NLGN1: variants seen among roughly 807,000 people sequenced by gnomAD.
NLGN1 encodes neuroligin 1.
A neutral mutation model predicts 65.5 loss-of-function variants in NLGN1; 12 were observed. The observed-to-expected ratio is 0.18, with a 90% confidence interval of 0.12 to 0.30. The LOEUF (loss-of-function observed/expected upper bound fraction) is 0.30. Ranked by LOEUF, NLGN1 falls within the 10% of genes least tolerant of loss-of-function variation. The probability of loss-of-function intolerance (pLI) is 1.00; values close to 1 mark genes in which losing one functional copy is unlikely to be tolerated. For missense variants in NLGN1, 750 were observed against 1,007.1 expected, an observed-to-expected ratio of 0.74 and a Z score of 3.46; for synonymous variants, 350 against 359.5, an observed-to-expected ratio of 0.97 and a Z score of 0.30.
intron 4 of NLGN1, among the ~76,000 whole-genome samples, chr3:174,081,242 G>A (rs1386164991): frequency 6.6e-6 from 1 of 152,090 alleles, no homozygotes; most frequent in Non-Finnish European, 1.5e-5. Context: ...TTATGACTTG[G>A]TGAAATGGGG....
At chr3:173,859,771 T>C (rs2150791278) in intron 4 of NLGN1, among the ~76,000 whole-genome samples, 1 of 152,210 alleles carries the variant, frequency 6.6e-6, no homozygotes, top group East Asian at 1.9e-4. Flanking sequence ...TTGAAATTAT[T>C]ATTCAAGATT....
intron 3 of NLGN1, among the ~76,000 whole-genome samples, chr3:173,669,946 C>T (rs1762239884): frequency 6.6e-6 from 1 of 152,090 alleles, no homozygotes; most frequent in Admixed American, 6.5e-5. Context: ...AATAAAAACA[C>T]AAAATCTTGT....
At chr3:174,168,451 G>A (rs940774710) in intron 4 of NLGN1, among the ~76,000 whole-genome samples, 1 of 151,574 alleles carries the variant, frequency 6.6e-6, no homozygotes, top group African/African-American at 2.4e-5. Flanking sequence ...CCCTCCCTAG[G>A]AGATGTGACT....
intron 2 of NLGN1, among the ~76,000 whole-genome samples, chr3:173,551,028 C>G (rs140013301): frequency 6.6e-6 from 1 of 152,130 alleles, no homozygotes; most frequent in African/African-American, 2.4e-5. Flanking sequence ...TCTGCCTTTA[C>G]TGCATTATCA....
At chr3:173,499,438 T>G (rs1179241075) in intron 2 of NLGN1, among the ~76,000 whole-genome samples, 4 of 151,882 alleles carry the variant, frequency 2.6e-5, no homozygotes, top group Non-Finnish European at 5.9e-5. Flanking sequence ...ACCAGTACCA[T>G]GCTGTTTTGG....
rs113843953 is a variant in NLGN1, at chr3:173,725,554, A to G, written c.494-82126A>G. Among the ~76,000 whole-genome samples, 104 of 152,336 alleles carry G rather than the reference A, an allele frequency of 6.8e-4. 1 individual carries two copies. The highest frequency in any genetic ancestry group is 3.4e-3 in the Middle Eastern group (1 of 294). On this transcript the variant is annotated intron_variant, in intron 3 of 6. Transcript: ENST00000457714. ...TTACTGATTTGTTTTTATCAACTTC[A>G]TAGTTAGAGGGCTCACACTACAGCA...
At chr3:174,011,827 A>G (rs1158653452) in intron 4 of NLGN1, among the ~76,000 whole-genome samples, 1 of 151,740 alleles carries the variant, frequency 6.6e-6, no homozygotes, top group African/African-American at 2.4e-5. Context: ...TACATCAGAG[A>G]ACAAAACCTA....
chr3:174,195,798 AC>A (rs1025227571), intron 4 of NLGN1, among the ~76,000 whole-genome samples: 23 of 151,926 alleles, frequency 1.5e-4, no homozygotes, highest in East Asian at 7.7e-4. Context: ...AGAAAAAAAA[AC>A]TGCCTTCTTC....
intron 4 of NLGN1, among the ~76,000 whole-genome samples, chr3:173,890,797 A>T (rs1214926982): frequency 6.6e-6 from 1 of 152,218 alleles, no homozygotes; most frequent in East Asian, 1.9e-4. Context: ...AATAGGAGCC[A>T]GTGCTCTAAT....
chr3:174,005,256 A>G (rs908617446), intron 4 of NLGN1, among the ~76,000 whole-genome samples: 4 of 152,176 alleles, frequency 2.6e-5, no homozygotes, highest in Admixed American at 6.5e-5. Flanking sequence ...TTTTATTATA[A>G]TCTATGACCT....
At chr3:173,428,237 G>T (rs1056855594) in intron 1 of NLGN1, among the ~76,000 whole-genome samples, 1 of 151,584 alleles carries the variant, frequency 6.6e-6, no homozygotes, top group African/African-American at 2.4e-5. Context: ...ATATGATTGG[G>T]TCTTGTTCTT....
chr3:173,973,345 C>G (rs376345493), intron 4 of NLGN1, among the ~76,000 whole-genome samples: 5 of 152,052 alleles, frequency 3.3e-5, no homozygotes, highest in Admixed American at 6.6e-5. Context: ...CAAGCCTGTC[C>G]GCCCAGGAGT....
chr3:173,684,066 ATT>A (rs1560164553), intron 3 of NLGN1, among the ~76,000 whole-genome samples: 3 of 152,102 alleles, frequency 2.0e-5, no homozygotes, highest in African/African-American at 7.2e-5. Context: ...ACAAAAGTAT[ATT>A]GTTATTATTA....
intron 4 of NLGN1, among the ~76,000 whole-genome samples, chr3:174,196,384 A>G (rs1733422559): frequency 6.6e-6 from 1 of 152,172 alleles, no homozygotes; most frequent in East Asian, 1.9e-4. Context: ...ATGCAAAATT[A>G]TACTTACTTA....
intron 4 of NLGN1, among the ~76,000 whole-genome samples, chr3:174,181,294 T>C (rs773903885): frequency 6.6e-6 from 1 of 152,160 alleles, no homozygotes; most frequent in Non-Finnish European, 1.5e-5. Context: ...TGCCTTTTTA[T>C]CCACAGAACA....
At chr3:174,242,799 A>G (rs954527379) in intron 4 of NLGN1, among the ~76,000 whole-genome samples, 10 of 152,184 alleles carry the variant, frequency 6.6e-5, no homozygotes, top group African/African-American at 2.4e-4. Flanking sequence ...TCCTGAAACC[A>G]TTCCCGCCCC....
chr3:173,945,283 C>G (rs1266780025), intron 4 of NLGN1, among the ~76,000 whole-genome samples: 3 of 152,018 alleles, frequency 2.0e-5, no homozygotes. Context: ...ATCTGTGCAG[C>G]TATCAGTGTT....
At chr3:173,553,219 A>G (rs886796372) in intron 2 of NLGN1, among the ~76,000 whole-genome samples, 1 of 152,166 alleles carries the variant, frequency 6.6e-6, no homozygotes, top group South Asian at 2.1e-4. Flanking sequence ...ATAAATCTGG[A>G]TAAAAAGATA....
chr3:174,036,151 C>T (rs548912616), intron 4 of NLGN1, among the ~76,000 whole-genome samples: 1 of 152,194 alleles, frequency 6.6e-6, no homozygotes, highest in African/African-American at 2.4e-5. Flanking sequence ...AAATCTAGAT[C>T]AGATTTAAAA....
Sources: allele counts gnomAD v4.1 joint callset (sites outside exome capture counted in the v4.1 genomes callset), GRCh38; gene constraint gnomAD v4.1.1; transcripts MANE v1.5; gene names NCBI Gene and HGNC (gene_info 2026-07-23, HGNC 2026-07-21).